FANCL: variants seen among roughly 807,000 people sequenced by gnomAD.
FANCL encodes the protein FA complementation group L, also known as E3 ubiquitin-protein ligase FANCL.
A neutral mutation model predicts 59.4 loss-of-function variants in FANCL; 69 were observed. The ratio of observed to expected loss-of-function variants is 1.16; its 90% CI spans 0.96 to 1.42. The LOEUF (loss-of-function observed/expected upper bound fraction) is 1.42. Ranked by LOEUF, FANCL falls within the 40% of genes most tolerant of loss-of-function variation. The pLI is 0.00. For missense variants in FANCL, 519 were observed against 447.2 expected (o/e 1.16, Z -1.45); for synonymous variants, 180 against 147.1 (o/e 1.22, Z -1.62).
chr2:58,199,264 G>C (rs999916712), intron 6 of FANCL, among the ~76,000 whole-genome samples: 4 of 152,118 alleles, frequency 2.6e-5, no homozygotes, highest in African/African-American at 7.2e-5. Flanking sequence ...TATGATTTGA[G>C]GAATGAACCA....
intron 2 of FANCL, among the ~76,000 whole-genome samples, chr2:58,230,744 C>T (rs1573815874): frequency 1.3e-5 from 2 of 152,228 alleles, no homozygotes; most frequent in South Asian, 4.1e-4. Flanking sequence ...ATTGGTAACC[C>T]CTGCTCAAAA....
chr2:58,165,940 TA>T, intron 7 of FANCL, 66 bp from the exon 8 acceptor site: 1 of 1,508,468 alleles, frequency 6.6e-7, no homozygotes, highest in Non-Finnish European at 9.2e-7. Flanking sequence ...ATCTTTTACT[TA>T]AAATACACTC....
intron 7 of FANCL, among the ~76,000 whole-genome samples, chr2:58,185,464 A>G (rs951910356): frequency 6.6e-6 from 1 of 152,172 alleles, no homozygotes; most frequent in African/African-American, 2.4e-5. Flanking sequence ...CCTTGAGATC[A>G]TGAACCATTA....
At chr2:58,190,507 G>GA (rs1573640917) in intron 7 of FANCL, among the ~76,000 whole-genome samples, 1 of 143,630 alleles carries the variant, frequency 7.0e-6, no homozygotes, top group South Asian at 2.2e-4. Flanking sequence ...TAGTGGACCA[G>GA]AAAAAAAGAA....
intron 7 of FANCL, 51 bp downstream of exon 7, chr2:58,198,543 A>G (rs1309340832): frequency 6.8e-7 from 1 of 1,477,742 alleles, no homozygotes. Flanking sequence ...GGACAACTGT[A>G]CTTTTTAATT....
At chr2:58,216,833 G>T (rs1268461465) in intron 5 of FANCL, among the ~76,000 whole-genome samples, 1 of 151,828 alleles carries the variant, frequency 6.6e-6, no homozygotes, top group Admixed American at 6.6e-5. Flanking sequence ...TTACCGCCCA[G>T]GTTGGAATCC....
At chr2:58,222,999 A>G (rs915122989) in intron 4 of FANCL, among the ~76,000 whole-genome samples, 2 of 144,590 alleles carry the variant, frequency 1.4e-5, no homozygotes, top group Non-Finnish European at 3.0e-5. Flanking sequence ...TTTTTTAAGT[A>G]TATATCAATT....
intron 6 of FANCL, among the ~76,000 whole-genome samples, chr2:58,199,145 T>C (rs927274933): frequency 1.2e-4 from 19 of 152,180 alleles, no homozygotes; most frequent in Non-Finnish European, 1.9e-4. Context: ...GAAGAGCTTA[T>C]TTATAGTCAA....
At chr2:58,206,600 C>A (rs984896189) in intron 5 of FANCL, among the ~76,000 whole-genome samples, 3 of 152,118 alleles carry the variant, frequency 2.0e-5, no homozygotes, top group Non-Finnish European at 1.5e-5. Context: ...TAAAATAACA[C>A]AGAAATAAAA....
intron 7 of FANCL, among the ~76,000 whole-genome samples, chr2:58,184,143 AC>A (rs1304321871): frequency 3.9e-5 from 6 of 152,052 alleles, no homozygotes; most frequent in African/African-American, 1.4e-4. Context: ...CTCATTTATT[AC>A]CAATTCTTGT....
chr2:58,232,232 T>C, intron 1 of FANCL, 120 bp from the exon 2 acceptor site: 1 of 801,592 alleles, frequency 1.2e-6, no homozygotes, highest in Admixed American at 2.0e-5. Flanking sequence ...GTATCAATTT[T>C]ATCCACATCT....
At chr2:58,214,752 T>A (rs1482731037) in intron 5 of FANCL, among the ~76,000 whole-genome samples, 1 of 152,030 alleles carries the variant, frequency 6.6e-6, no homozygotes, top group Admixed American at 6.6e-5. Context: ...GCTCAAGTGA[T>A]CTGCCCCACC....
chr2:58,205,309 A>T (rs1690477162), intron 5 of FANCL, among the ~76,000 whole-genome samples: 1 of 152,106 alleles, frequency 6.6e-6, no homozygotes, highest in African/African-American at 2.4e-5. Context: ...ATCTTCAATA[A>T]TACAATGGAA....
At chr2:58,226,662 G>A (rs1693030129) in intron 4 of FANCL, 66 bp downstream of exon 4, 21 of 1,136,214 alleles carry the variant, frequency 1.8e-5, no homozygotes, top group Non-Finnish European at 2.8e-5. Flanking sequence ...GTTTTTAAAG[G>A]AGTTACAAAA....
At position 58,241,198 on chromosome 2, in the gene FANCL, A is replaced by G; in HGVS notation, c.96+20T>C. ...CTGCAAGAGGCTCTCTTAGCTAGAA[A>G]GCAACCACTGGGCGGGTACCTGAGC... On this transcript the variant is annotated intron_variant, in intron 1 of 13. Transcript: ENST00000233741. 1 of 1,613,620 alleles carries G rather than the reference A, an allele frequency of 6.2e-7. No individual in the cohort carries two copies. Among genetic ancestry groups the G allele is most frequent in the African/African-American group, 1.3e-5 (1 of 75,072 alleles).
chr2:58,191,916 C>T (rs1688960516), intron 7 of FANCL, among the ~76,000 whole-genome samples: 1 of 151,788 alleles, frequency 6.6e-6, no homozygotes, highest in Non-Finnish European at 1.5e-5. Context: ...CACAGATATT[C>T]TTTCTCTCTT....
In FANCL at chr2:58,163,509, CATT is replaced by C. The variant is rs549637282; in HGVS notation, c.697_699del (p.Asn233del). 1.6e-4 allele frequency: 248 copies of C among 1,587,308 alleles called. 4 individuals carry two copies. Among genetic ancestry groups the C allele is most frequent in the Middle Eastern group, 1.7e-4 (1 of 6,016 alleles). On this transcript the variant is annotated inframe_deletion, in exon 9 of 14. Transcript: ENST00000233741. ...GGGTCTACCTCTATATTTATGGAAACATTATTACCTAGAATGAAACAAGATTAA... is the reference window on the plus strand; with the variant it reads ...GGGTCTACCTCTATATTTATGGAAACATTACCTAGAATGAAACAAGATTAA...
At chr2:58,197,251 A>T (rs1297761034) in intron 7 of FANCL, among the ~76,000 whole-genome samples, 2 of 151,796 alleles carry the variant, frequency 1.3e-5, no homozygotes, top group African/African-American at 4.8e-5. Flanking sequence ...AGACTATTTA[A>T]ATCCTATTAG....
At chr2:58,205,555 A>G (rs1384630058) in intron 5 of FANCL, among the ~76,000 whole-genome samples, 1 of 152,126 alleles carries the variant, frequency 6.6e-6, no homozygotes, top group Non-Finnish European at 1.5e-5. Flanking sequence ...GATGTTAAGC[A>G]CATGCATTTA....
Sources: gnomAD v4.1 joint callset for allele counts (sites outside exome capture counted in the v4.1 genomes callset) on GRCh38, gnomAD v4.1.1 for gene constraint, MANE v1.5 for transcripts, NCBI Gene and HGNC (gene_info 2026-07-23, HGNC 2026-07-21) for gene names.